SLC30A8: variants seen among roughly 807,000 people sequenced by gnomAD.
SLC30A8 encodes the protein proton-coupled zinc antiporter SLC30A8.
SLC30A8 carries 27 observed loss-of-function variants against 36.9 expected under a neutral mutation model. The observed-to-expected ratio is 0.73, with a 90% CI of 0.54 to 1.01. SLC30A8 has a LOEUF of 1.01. SLC30A8 is among the 50% of genes least tolerant of loss of function. The pLI is 0.00. For synonymous variants in SLC30A8, 164 were observed against 172.4 expected (o/e 0.95, Z 0.38); for missense variants, 439 against 452.0 (o/e 0.97, Z 0.26).
At chr8:117,153,266 AACAG>A (rs1361018022) in intron 3 of SLC30A8, among the ~76,000 whole-genome samples, 176 bp downstream of exon 3, 2 of 152,316 alleles carry the variant, frequency 1.3e-5, no homozygotes, top group Admixed American at 1.3e-4. Context: ...TAATTCAGAT[AACAG>A]ACAGATTAAT....
At chr8:117,163,552 C>T in intron 6 of SLC30A8, 22 bp downstream of exon 6, 2 of 1,540,028 alleles carry the variant, frequency 1.3e-6, no homozygotes, top group South Asian at 1.1e-5. Context: ...TTTATTATTA[C>T]TCCCAGAGTC....
At chr8:117,054,946 GT>G (rs1817824805) in intron 2 of SLC30A8, among the ~76,000 whole-genome samples, 1 of 152,082 alleles carries the variant, frequency 6.6e-6, no homozygotes, top group Non-Finnish European at 1.5e-5. Flanking sequence ...AGAGCAAATG[GT>G]TTCTAGTGTA....
At chr8:117,104,092 T>C (rs918409282) in intron 2 of SLC30A8, among the ~76,000 whole-genome samples, 1 of 152,178 alleles carries the variant, frequency 6.6e-6, no homozygotes, top group African/African-American at 2.4e-5. Context: ...GCATAAGTCA[T>C]ATGCCTAATC....
At chr8:117,063,908 T>C (rs982110878) in intron 2 of SLC30A8, among the ~76,000 whole-genome samples, 1 of 152,174 alleles carries the variant, frequency 6.6e-6, no homozygotes, top group African/African-American at 2.4e-5. Flanking sequence ...TGTTTTGTCT[T>C]ACTTTTCTAT....
At chr8:117,146,274 A>G (rs1453657709) in intron 1 of SLC30A8, among the ~76,000 whole-genome samples, 1 of 152,176 alleles carries the variant, frequency 6.6e-6, no homozygotes, top group East Asian at 1.9e-4. Context: ...AATTGTTTTA[A>G]AAAAAGAAAA....
intron 2 of SLC30A8, among the ~76,000 whole-genome samples, chr8:117,068,280 T>C (rs1818228016): frequency 6.6e-6 from 1 of 152,166 alleles, no homozygotes; most frequent in East Asian, 1.9e-4. Context: ...GCCTGCCTGC[T>C]GTAGAAGAAG....
intron 2 of SLC30A8, among the ~76,000 whole-genome samples, chr8:117,052,139 T>A (rs370373072): frequency 6.1e-4 from 93 of 152,242 alleles, no homozygotes; most frequent in African/African-American, 2.0e-3. Context: ...GCCTCCCAAG[T>A]GGCTGGGATT....
chr8:117,129,565 C>T (rs1234914564), intron 2 of SLC30A8, among the ~76,000 whole-genome samples: 1 of 151,952 alleles, frequency 6.6e-6, no homozygotes, highest in Non-Finnish European at 1.5e-5. Context: ...AAATTCCATT[C>T]TAACAACTCT....
In SLC30A8 at chr8:117,069,099, T is replaced by A. The variant is rs182208870; in HGVS notation, c.-226+29841T>A. Among the ~76,000 whole-genome samples, 23 of 152,282 alleles carry A rather than the reference T, an allele frequency of 1.5e-4. No homozygotes were observed. The East Asian group carries it at 4.0e-3, about 27-fold the overall frequency. Reference sequence around the variant, plus strand: ...TAGTTTTGTATACTCTTTGAGTAATTTTTTACTTTTACAATTTTATTAGAG... The same window carrying A: ...TAGTTTTGTATACTCTTTGAGTAATATTTTACTTTTACAATTTTATTAGAG... On this transcript the variant is annotated intron_variant, in intron 2 of 10. Coordinates refer to the SLC30A8 transcript ENST00000427715.
chr8:117,050,681 C>T (rs1413675383), intron 2 of SLC30A8, among the ~76,000 whole-genome samples: 3 of 152,224 alleles, frequency 2.0e-5, no homozygotes, highest in African/African-American at 4.8e-5. Context: ...GCTGAGATTA[C>T]AGGCGTGAGC....
chr8:116,976,826 T>TCTTTTC (rs200479091), intron 1 of SLC30A8, among the ~76,000 whole-genome samples: 9 of 142,050 alleles, frequency 6.3e-5, no homozygotes, highest in African/African-American at 2.6e-4. Context: ...TTCTTTCTTT[T>TCTTTTC]TTTTTTTTTT....
chr8:117,164,593 A>T (rs891073535), intron 6 of SLC30A8, among the ~76,000 whole-genome samples: 2 of 152,138 alleles, frequency 1.3e-5, no homozygotes, highest in African/African-American at 4.8e-5. Flanking sequence ...AAATAAATAA[A>T]AAAAGCTTTG....
At chr8:116,951,170 T>G (rs1813978945) in intron 1 of SLC30A8, 1 of 152,186 alleles carries the variant, frequency 6.6e-6, no homozygotes, top group African/African-American at 2.4e-5. Flanking sequence ...TAGAAACTTG[T>G]AGAGTAAGGC....
At chr8:116,980,262 A>G (rs1323980697) in intron 1 of SLC30A8, among the ~76,000 whole-genome samples, 2 of 152,158 alleles carry the variant, frequency 1.3e-5, no homozygotes, top group African/African-American at 4.8e-5. Flanking sequence ...AAAATAATAC[A>G]TATTTGTCTT....
At chr8:117,057,329 C>T (rs1021175195) in intron 2 of SLC30A8, among the ~76,000 whole-genome samples, 4 of 152,108 alleles carry the variant, frequency 2.6e-5, no homozygotes, top group Non-Finnish European at 5.9e-5. Flanking sequence ...TTGTATAACG[C>T]TTACCACAAT....
At chr8:116,980,577 T>A (rs572148572) in intron 1 of SLC30A8, among the ~76,000 whole-genome samples, 1 of 152,282 alleles carries the variant, frequency 6.6e-6, no homozygotes, top group South Asian at 2.1e-4. Flanking sequence ...AGACTTTCAT[T>A]TGGCCAAGAG....
chr8:117,066,272 G>A (rs1818167240), intron 2 of SLC30A8, among the ~76,000 whole-genome samples: 1 of 152,152 alleles, frequency 6.6e-6, no homozygotes, highest in African/African-American at 2.4e-5. Flanking sequence ...AAGCTCTGTT[G>A]TTTTGTGTTC....
intron 1 of SLC30A8, among the ~76,000 whole-genome samples, chr8:117,003,340 C>T (rs182181933): frequency 7.2e-5 from 11 of 152,312 alleles, no homozygotes; most frequent in Non-Finnish European, 1.5e-4. Flanking sequence ...AGAAAGGTAG[C>T]ATAATGAATT....
At chr8:117,049,104 G>T (rs142062226) in intron 2 of SLC30A8, among the ~76,000 whole-genome samples, 1 of 152,296 alleles carries the variant, frequency 6.6e-6, no homozygotes, top group East Asian at 1.9e-4. Context: ...AGATCAAAAT[G>T]AGGGCTTTGT....
Sources: gnomAD v4.1 joint callset for allele counts (sites outside exome capture counted in the v4.1 genomes callset) on GRCh38, gnomAD v4.1.1 for gene constraint, MANE v1.5 for transcripts, NCBI Gene and HGNC (gene_info 2026-07-23, HGNC 2026-07-21) for gene names.